The following DZANK1 variants were observed in gnomAD, a reference collection of about 807,000 sequenced individuals.
The protein encoded by DZANK1 is double zinc ribbon and ankyrin repeat domains 1, also known as double zinc ribbon and ankyrin repeat-containing protein 1.
DZANK1 carries 91 observed loss-of-function variants against 94.5 expected under a neutral mutation model. That is an observed-to-expected ratio of 0.96 (90% CI 0.81 to 1.15). The LOEUF is 1.15. DZANK1 is among the 50% of genes most tolerant of loss of function. The pLI is 0.00. For synonymous variants in DZANK1, 312 were observed against 325.3 expected, an observed-to-expected ratio of 0.96 and a Z score of 0.44; for missense variants, 903 against 916.4, an observed-to-expected ratio of 0.99 and a Z score of 0.19.
intron 10 of DZANK1, among the ~76,000 whole-genome samples, chr20:18,418,362 G>A (rs960711234): frequency 1.3e-5 from 2 of 152,090 alleles, no homozygotes; most frequent in Non-Finnish European, 2.9e-5. Flanking sequence ...AAAGAGAGAA[G>A]ATCTTCTCTG....
chr20:18,405,303 A>G (rs1239141244), intron 13 of DZANK1, among the ~76,000 whole-genome samples: 1 of 152,254 alleles, frequency 6.6e-6, no homozygotes, highest in Non-Finnish European at 1.5e-5. Flanking sequence ...GAAAAGTACA[A>G]TAACTAAAAT....
intron 9 of DZANK1, among the ~76,000 whole-genome samples, chr20:18,432,221 A>C (rs918022970): frequency 8.5e-5 from 13 of 152,198 alleles, no homozygotes; most frequent in Non-Finnish European, 2.9e-5. Flanking sequence ...ACTTACCCCT[A>C]TTCTTCCTGT....
At chr20:18,396,210 A>G (rs1271353591) in intron 15 of DZANK1, among the ~76,000 whole-genome samples, 12 of 152,236 alleles carry the variant, frequency 7.9e-5, no homozygotes, top group Non-Finnish European at 1.2e-4. Flanking sequence ...CAAATCAATT[A>G]TATCACAGAC....
intron 4 of DZANK1, 144 bp downstream of exon 4, chr20:18,455,103 G>T (rs919481201): frequency 6.5e-5 from 40 of 613,888 alleles, no homozygotes; most frequent in Middle Eastern, 5.3e-4. Context: ...CAGTAAAGAT[G>T]CTTTGCAATG....
rs144726377 is a variant in DZANK1, at chr20:18,462,221, C to T, written c.110-1915G>A. 5.8e-4 allele frequency among the ~76,000 whole-genome samples: 88 copies of T among 151,846 alleles called. 2 individuals are homozygous for T. In the East Asian group the frequency reaches 0.015, roughly 27 times the overall value. ...ATATCTTAGGGGCTCCTTGCATATCCCCTGTACCTAGAATGGTCCCTGCTC... is the reference window on the plus strand; with the variant it reads ...ATATCTTAGGGGCTCCTTGCATATCTCCTGTACCTAGAATGGTCCCTGCTC... On this transcript the variant is annotated intron_variant, in intron 2 of 20. Coordinates refer to ENST00000262547, the Ensembl canonical transcript of DZANK1.
chr20:18,459,045 C>A (rs1210165896), intron 3 of DZANK1, among the ~76,000 whole-genome samples: 3 of 152,162 alleles, frequency 2.0e-5, no homozygotes, highest in Non-Finnish European at 1.5e-5. Context: ...CTCTTGAAAG[C>A]CTTATTAACT....
exon 8 of DZANK1, chr20:18,443,401 G>A: frequency 6.5e-7 from 1 of 1,544,472 alleles, no homozygotes; most frequent in Non-Finnish European, 8.7e-7. Context: ...GGACAGGAGA[G>A]CCACATTCTT....
intron 8 of DZANK1, among the ~76,000 whole-genome samples, chr20:18,434,497 A>G (rs990292011): frequency 1.4e-5 from 2 of 146,756 alleles, no homozygotes; most frequent in African/African-American, 5.0e-5. Flanking sequence ...GTGAGCCGAG[A>G]TCGCCTCACT....
chr20:18,384,264 G>A (rs2048346173), exon 21 of DZANK1: 9 of 836,474 alleles, frequency 1.1e-5, no homozygotes, highest in Non-Finnish European at 1.6e-5. Flanking sequence ...TCTCCATGTT[G>A]GTCAGGCTGG....
At chr20:18,389,318 T>G (rs1432679385) in intron 19 of DZANK1, among the ~76,000 whole-genome samples, 2 of 152,170 alleles carry the variant, frequency 1.3e-5, no homozygotes, top group Non-Finnish European at 2.9e-5. Flanking sequence ...TGCATTAACT[T>G]CATGGGGATA....
chr20:18,443,280 G>C (rs2058768011), intron 8 of DZANK1, 67 bp downstream of exon 8: 1 of 1,056,406 alleles, frequency 9.5e-7, no homozygotes, highest in Non-Finnish European at 1.4e-6. Context: ...ACCAAGCACT[G>C]TGTTACTGCT....
chr20:18,389,696 C>T lies in DZANK1; in HGVS notation c.2018+5G>A. 6.2e-7 allele frequency: 1 copy of T among 1,613,718 alleles called. No homozygotes were observed. Among genetic ancestry groups the T allele is most frequent in the Non-Finnish European group, 8.5e-7 (1 of 1,179,740 alleles). On this transcript the variant is annotated splice_donor_5th_base_variant and intron_variant, in intron 19 of 20. Coordinates refer to ENST00000262547, the Ensembl canonical transcript of DZANK1. ...TTAGCTCTCCTTTCAATGTGTTTCA[C>T]TTACGGCCCCCACTGCTGGTCGATG...
At position 18,396,594 on chromosome 20, in the gene DZANK1, C is replaced by T; in HGVS notation, c.1537-48G>A. The T allele has an allele frequency of 3.6e-6, 5 of 1,394,030 alleles. No individual in the cohort carries two copies. In the East Asian group the frequency reaches 9.4e-5, roughly 26 times the overall value. The allele number at this position is 1,394,030 out of a possible 1,614,324, so 86.4% of individuals were successfully genotyped here. A position where few individuals can be genotyped will look rare whatever the true frequency, so the allele number is the denominator to read the frequency against. On this transcript the variant is annotated intron_variant, in intron 14 of 20. Coordinates refer to ENST00000262547, the Ensembl canonical transcript of DZANK1. ...AATTCATAACTGTGGGTGTGGGACTCATTGCCTTAAGTAACAGTGTACAAA... is the reference window on the plus strand; with the variant it reads ...AATTCATAACTGTGGGTGTGGGACTTATTGCCTTAAGTAACAGTGTACAAA...
intron 7 of DZANK1, among the ~76,000 whole-genome samples, chr20:18,446,764 A>G (rs2069958441): frequency 6.6e-6 from 1 of 152,246 alleles, no homozygotes; most frequent in Non-Finnish European, 1.5e-5. Context: ...CAAATATGTA[A>G]GGAAGAAATA....
chr20:18,459,244 G>T (rs766915692), intron 3 of DZANK1, among the ~76,000 whole-genome samples: 16 of 152,104 alleles, frequency 1.1e-4, no homozygotes, highest in Non-Finnish European at 2.4e-4. Flanking sequence ...GAATAATAAC[G>T]TGCATATACT....
intron 17 of DZANK1, 98 bp from the exon 18 acceptor site, chr20:18,390,557 G>GTCCTT: frequency 6.0e-6 from 7 of 1,157,082 alleles, no homozygotes; most frequent in Non-Finnish European, 7.7e-6. Flanking sequence ...CACAAGGACA[G>GTCCTT]GTGACTATGA....
intron 5 of DZANK1, 151 bp downstream of exon 5, chr20:18,453,580 G>A (rs767168792): frequency 9.0e-5 from 56 of 619,426 alleles, no homozygotes; most frequent in Non-Finnish European, 1.4e-4. Context: ...AAGCAAGGAC[G>A]TCATTAAAAT....
rs370551136 is a variant in DZANK1, at chr20:18,438,508, C to A, written c.748-4743G>T. On this transcript the variant is annotated intron_variant, in intron 8 of 20. Transcript: ENST00000262547. ...AAAGCACAGAAAAGGCCTTACAATGCAAACAGTAACCATAAAAGAGCTAGA... is the reference window on the plus strand; with the variant it reads ...AAAGCACAGAAAAGGCCTTACAATGAAAACAGTAACCATAAAAGAGCTAGA... Among the ~76,000 whole-genome samples, 23 of 152,182 alleles carry A rather than the reference C, an allele frequency of 1.5e-4. No homozygotes were observed. The East Asian group carries it at 3.3e-3, about 22-fold the overall frequency.
chr20:18,406,224 T>C (rs558789709), intron 13 of DZANK1, among the ~76,000 whole-genome samples: 1 of 152,292 alleles, frequency 6.6e-6, no homozygotes, highest in East Asian at 1.9e-4. Flanking sequence ...CTGGCATGGT[T>C]TAAGGAGGAC....
Sources: gnomAD v4.1 joint callset for allele counts (sites outside exome capture counted in the v4.1 genomes callset) on GRCh38, gnomAD v4.1.1 for gene constraint, MANE v1.5 for transcripts, NCBI Gene and HGNC (gene_info 2026-07-23, HGNC 2026-07-21) for gene names.